STIL: variants seen among roughly 807,000 people sequenced by gnomAD.
The protein encoded by STIL is SCL-interrupting locus protein.
A neutral mutation model predicts 110.1 loss-of-function variants in STIL; 55 were observed. That is an observed-to-expected ratio of 0.50 (90% CI 0.40 to 0.63). The LOEUF (loss-of-function observed/expected upper bound fraction) is 0.63. Among genes scored for constraint, STIL ranks in the 20% least tolerant of loss-of-function variants. The pLI is 0.00. For synonymous variants in STIL, 481 were observed against 530.0 expected, an observed-to-expected ratio of 0.91 and a Z score of 1.27; for missense variants, 1,358 against 1,530.0, an observed-to-expected ratio of 0.89 and a Z score of 1.87.
At chr1:47,291,390 ATAAAAATT>A (rs1645485197) in intron 8 of STIL, among the ~76,000 whole-genome samples, 1 of 151,746 alleles carries the variant, frequency 6.6e-6, no homozygotes, top group Non-Finnish European at 1.5e-5. Context: ...AAATAAATAA[ATAAAAATT>A]TAAAAATTAA....
At chr1:47,256,830 A>C (rs978929377) in intron 16 of STIL, among the ~76,000 whole-genome samples, 1 of 151,924 alleles carries the variant, frequency 6.6e-6, no homozygotes, top group Non-Finnish European at 1.5e-5. Flanking sequence ...CCCTGTCTCT[A>C]CTAAAAGTAC....
At chr1:47,264,051 C>T (rs1002133596) in intron 14 of STIL, among the ~76,000 whole-genome samples, 15 of 152,214 alleles carry the variant, frequency 9.9e-5, no homozygotes, top group Admixed American at 9.8e-4. Flanking sequence ...CTGCACCTGG[C>T]CTCAAGGATT....
intron 12 of STIL, among the ~76,000 whole-genome samples, chr1:47,278,608 A>G (rs933452750): frequency 2.0e-5 from 3 of 152,124 alleles, no homozygotes; most frequent in African/African-American, 7.2e-5. Context: ...AATTATTTTC[A>G]ATGTAAAAAT....
rs888659178 is a variant in STIL at position 47,301,853 on chromosome 1, A to G, written c.266-105T>C. On this transcript the variant is annotated intron_variant, in intron 4 of 16. Coordinates refer to ENST00000371877, the MANE Select transcript of STIL (RefSeq NM_001048166.1). ...AAAGCACTTTGTTCATACCAATAGT[A>G]CACTAAACTCTTAAATACTAAACTA... The G allele has an allele frequency of 2.4e-5, 25 of 1,021,116 alleles. No individual in the cohort carries two copies. The African/African-American group carries it at 3.5e-4, about 14-fold the overall frequency. The allele number at this position is 1,021,116 out of a possible 1,614,324, so 63.3% of individuals were successfully genotyped here. A position where few individuals can be genotyped will look rare whatever the true frequency, so the allele number is the denominator to read the frequency against.
At chr1:47,273,187 T>TC (rs1644890714) in intron 12 of STIL, among the ~76,000 whole-genome samples, 1 of 152,178 alleles carries the variant, frequency 6.6e-6, no homozygotes, top group African/African-American at 2.4e-5. Flanking sequence ...ACCAAAAGCC[T>TC]CCCCTCTTCC....
At chr1:47,307,828 G>A (rs115741030) in intron 2 of STIL, among the ~76,000 whole-genome samples, 5,737 of 152,326 alleles carry the variant, frequency 0.038, 137 homozygotes, top group Non-Finnish European at 0.055. Flanking sequence ...CCCTGAGAAA[G>A]AAAATGCGCA....
At position 47,301,757 on chromosome 1, in the gene STIL, C is replaced by A. The variant is rs536706861; in HGVS notation, c.266-9G>T. 1.9e-6 allele frequency: 3 copies of A among 1,612,828 alleles called. No individual in the cohort carries two copies. Among genetic ancestry groups the A allele is most frequent in the East Asian group, 4.5e-5 (2 of 44,852 alleles). ...TGTTACACCTTCTTCATCTGTAGAACAAAAATAACAGCTATTATACAGCAT... is the reference window on the plus strand; with the variant it reads ...TGTTACACCTTCTTCATCTGTAGAAAAAAAATAACAGCTATTATACAGCAT... On this transcript the variant is annotated splice_polypyrimidine_tract_variant and intron_variant, in intron 4 of 16. Transcript: ENST00000371877.
chr1:47,312,113 A>C (rs929397072), intron 1 of STIL, among the ~76,000 whole-genome samples: 13 of 152,128 alleles, frequency 8.5e-5, no homozygotes, highest in Non-Finnish European at 1.6e-4. Context: ...TTTAGAAGAG[A>C]CTTTTTAGAT....
intron 8 of STIL, among the ~76,000 whole-genome samples, chr1:47,290,387 A>C (rs1645447146): frequency 6.6e-6 from 1 of 152,266 alleles, no homozygotes; most frequent in Non-Finnish European, 1.5e-5. Context: ...ATATAGAGAG[A>C]GAGCTTGCTA....
intron 16 of STIL, among the ~76,000 whole-genome samples, chr1:47,254,031 A>G (rs921166808): frequency 5.3e-5 from 8 of 151,886 alleles, no homozygotes; most frequent in Non-Finnish European, 1.0e-4. Context: ...ATACAAAAAA[A>G]TTAGCTGGGC....
intron 14 of STIL, among the ~76,000 whole-genome samples, chr1:47,267,798 C>T (rs1644698806): frequency 6.6e-6 from 1 of 151,832 alleles, no homozygotes; most frequent in Non-Finnish European, 1.5e-5. Flanking sequence ...CAACCTCCAC[C>T]TCCCAGGTTC....
intron 3 of STIL, among the ~76,000 whole-genome samples, chr1:47,303,795 TTC>T (rs1283957118): frequency 6.6e-6 from 1 of 152,198 alleles, no homozygotes; most frequent in Admixed American, 6.5e-5. Flanking sequence ...CCCGAATACT[TTC>T]TTTCTTGTAT....
chr1:47,256,041 G>A (rs1052869290), intron 16 of STIL, among the ~76,000 whole-genome samples: 1 of 152,160 alleles, frequency 6.6e-6, no homozygotes, highest in Non-Finnish European at 1.5e-5. Context: ...TAGTTTCCTA[G>A]AATATTCAAC....
In STIL at chr1:47,305,017, A is replaced by G. The variant is rs1037997036; in HGVS notation, c.45-21T>C. The G allele has an allele frequency of 3.8e-6, 6 of 1,578,532 alleles. No homozygotes were observed. In the African/African-American group the frequency reaches 8.1e-5, roughly 21 times the overall value. On this transcript the variant is annotated intron_variant, in intron 2 of 16. Coordinates refer to ENST00000371877, the MANE Select transcript of STIL (RefSeq NM_001048166.1). The stretch of plus-strand genomic sequence containing the variant: ...GAAACCTTTTGAAAAAACAATGTAA[A>G]ATTAAAGCACAAGGAATAGCAAACT...
chr1:47,300,276 G>C, intron 5 of STIL, 124 bp from the exon 6 acceptor site: 1 of 947,244 alleles, frequency 1.1e-6, no homozygotes, highest in Non-Finnish European at 1.5e-6. Flanking sequence ...AATGAGTTCT[G>C]ATTTACAGCA....
intron 14 of STIL, among the ~76,000 whole-genome samples, chr1:47,267,453 C>T (rs182081139): frequency 3.5e-4 from 53 of 151,858 alleles, no homozygotes; most frequent in Admixed American, 7.2e-4. Flanking sequence ...ACCAGTAATC[C>T]CAACAATTTG....
At chr1:47,264,797 A>G (rs1644587550) in intron 14 of STIL, among the ~76,000 whole-genome samples, 1 of 152,158 alleles carries the variant, frequency 6.6e-6, no homozygotes, top group Admixed American at 6.6e-5. Context: ...AATCCAAATC[A>G]ACAACCCAAA....
Position 47,269,806 on chromosome 1 carries a change from T to G in STIL, c.2444A>C (p.Gln815Pro). ...EDQEPDSQMK[Q>P]DDTKISSEDM... ...CTCACTGGAAATTTTGGTATCATCT[T>G]GCTTCATTTGAGAGTCAGGCTCTTG... Residue 815 changes from glutamine to proline, a missense_variant, in exon 14 of 17, where the codon CAA becomes CCA. Transcript: ENST00000371877. The G allele has an allele frequency of 1.2e-6, 2 of 1,614,236 alleles. No individual in the cohort carries two copies. Among genetic ancestry groups the G allele is most frequent in the African/African-American group, 1.3e-5 (1 of 75,072 alleles).
intron 16 of STIL, among the ~76,000 whole-genome samples, chr1:47,252,778 TACACAC>T (rs3043070): frequency 0.042 from 5,919 of 140,140 alleles, 273 homozygotes; most frequent in African/African-American, 0.11. Context: ...TATGGGCTTA[TACACAC>T]ACACACACAC....
Sources: allele counts gnomAD v4.1 joint callset (sites outside exome capture counted in the v4.1 genomes callset), GRCh38; gene constraint gnomAD v4.1.1; transcripts MANE v1.5; gene names NCBI Gene and HGNC (gene_info 2026-07-23, HGNC 2026-07-21).